ZNF664: variants seen among roughly 807,000 people sequenced by gnomAD.
The protein encoded by ZNF664 is zinc finger Organ of Corti 1.
Under a neutral mutation model 18.2 loss-of-function variants are expected in ZNF664, and 10 were observed. That is an observed-to-expected ratio of 0.55 (90% CI 0.34 to 0.93). The LOEUF is 0.93. Among genes scored for constraint, ZNF664 ranks in the 40% least tolerant of loss-of-function variants. The pLI, the probability that ZNF664 is intolerant of heterozygous loss-of-function variation, is 0.02. For missense variants in ZNF664, 193 were observed against 319.0 expected, an observed-to-expected ratio of 0.61 and a Z score of 3.01; for synonymous variants, 119 against 104.2, an observed-to-expected ratio of 1.14 and a Z score of -0.86.
At chr12:123,994,547 C>CTA (rs1956925390) in intron 3 of ZNF664, among the ~76,000 whole-genome samples, 1 of 152,176 alleles carries the variant, frequency 6.6e-6, no homozygotes, top group Non-Finnish European at 1.5e-5. Flanking sequence ...ACATCTGCTT[C>CTA]TATATTCAGT....
At position 124,000,470 on chromosome 12, in the gene ZNF664, C is replaced by A. The variant is rs141942879; in HGVS notation, c.-660-10911C>A. ...CCCTTTCTGTTATTTCTTTTCTCTCCCATAGTTTAGTGGAATTCCTCTCAT... is the reference window on the plus strand; with the variant it reads ...CCCTTTCTGTTATTTCTTTTCTCTCACATAGTTTAGTGGAATTCCTCTCAT... On this transcript the variant is annotated intron_variant, in intron 3 of 4. Transcript: ENST00000337815. Among the ~76,000 whole-genome samples the A allele has an allele frequency of 2.1e-3, 322 of 152,222 alleles. 3 individuals carry two copies. Among genetic ancestry groups the A allele is most frequent in the African/African-American group, 7.3e-3 (302 of 41,514 alleles).
intron 2 of ZNF664, among the ~76,000 whole-genome samples, chr12:123,985,039 C>CT (rs1184503571): frequency 6.6e-6 from 1 of 151,802 alleles, no homozygotes; most frequent in Non-Finnish European, 1.5e-5. Flanking sequence ...AGATTTGACT[C>CT]TGAGAGCAGT....
chr12:124,001,018 A>G (rs1405015392), intron 3 of ZNF664, among the ~76,000 whole-genome samples: 1 of 152,194 alleles, frequency 6.6e-6, no homozygotes, highest in Non-Finnish European at 1.5e-5. Context: ...TAAAATGGAA[A>G]TCACAATCTT....
chr12:123,992,997 A>G (rs996164164), intron 3 of ZNF664, among the ~76,000 whole-genome samples: 3 of 152,200 alleles, frequency 2.0e-5, no homozygotes, highest in African/African-American at 7.2e-5. Context: ...TCTGTGAGTG[A>G]TAAGCACATC....
At chr12:124,005,483 A>G (rs10846582) in intron 3 of ZNF664, among the ~76,000 whole-genome samples, 18,661 of 142,962 alleles carry the variant, frequency 0.13, 2,018 homozygotes, top group East Asian at 0.54. Context: ...AATTTATAGA[A>G]TGTGTGTGTG....
rs771984577 is a variant in ZNF664, at chr12:124,012,786, G to T, written c.642G>T (p.Leu214=). Residue 214 remains leucine, a synonymous_variant, in exon 5 of 5, where the codon CTG becomes CTT. Transcript: ENST00000337815. ...AGGCCTTCAGTCAGAGTTCGAGCCT[G>T]TGCATCCACCAGAGAGTCCACACAG... is the stretch of plus-strand genomic sequence containing the variant. ...CGKAFSQSSS[L]CIHQRVHTGE... The T allele has an allele frequency of 1.2e-6, 2 of 1,607,214 alleles. No individual in the cohort carries two copies. Among genetic ancestry groups the T allele is most frequent in the Non-Finnish European group, 1.7e-6 (2 of 1,177,650 alleles).
intron 3 of ZNF664, among the ~76,000 whole-genome samples, chr12:123,993,291 T>C (rs779701124): frequency 6.6e-6 from 1 of 152,076 alleles, no homozygotes; most frequent in African/African-American, 2.4e-5. Context: ...GAGTGGGGAA[T>C]GTGAAGGGCC....
At chr12:123,998,989 G>T (rs1435045305) in intron 3 of ZNF664, among the ~76,000 whole-genome samples, 1 of 152,122 alleles carries the variant, frequency 6.6e-6, no homozygotes, top group African/African-American at 2.4e-5. Context: ...GGGATATAGG[G>T]ATCTTTCTAT....
rs1354936782 is a variant in ZNF664, at chr12:123,998,402, C to G, written c.-661+10264C>G. ...TAATGTTTATATTTTTTCAGAAAAC[C>G]CTACAGAGATGCCTTGGTCACTCCA... On this transcript the variant is annotated intron_variant, in intron 3 of 4. Transcript: ENST00000337815. 4.6e-5 allele frequency: 7 copies of G among 152,196 alleles called. No individual in the cohort carries two copies. The South Asian group carries it at 1.0e-3, about 23-fold the overall frequency. The allele number at this position is 152,196 out of a possible 1,614,324, so 9.4% of individuals were successfully genotyped here. A position where few individuals can be genotyped will look rare whatever the true frequency, so the allele number is the denominator to read the frequency against.
At chr12:123,995,710 C>CT (rs1239561860) in intron 3 of ZNF664, among the ~76,000 whole-genome samples, 1 of 152,204 alleles carries the variant, frequency 6.6e-6, no homozygotes, top group African/African-American at 2.4e-5. Context: ...CCCAGTAGCG[C>CT]TGGAGGTTCA....
Position 124,015,254 on chromosome 12 carries a change from A to G in ZNF664, c.*2324A>G, listed in dbSNP as rs943797248. ...AGTTTCCAGCTAGTCCTAGAGTTCT[A>G]TATTTCTACATAGTTGAATTATTTT... On this transcript the variant is annotated 3_prime_UTR_variant, in exon 5 of 5. Coordinates refer to ENST00000337815, the MANE Select transcript of ZNF664 (RefSeq NM_152437.3). 6.0e-6 allele frequency: 1 copy of G among 167,148 alleles called. No individual in the cohort carries two copies. Among genetic ancestry groups the G allele is most frequent in the East Asian group, 1.9e-4 (1 of 5,192 alleles). The allele number at this position is 167,148 out of a possible 1,614,324, so 10.4% of individuals were successfully genotyped here.
chr12:124,010,745 C>G (rs192136522), intron 3 of ZNF664, among the ~76,000 whole-genome samples: 1 of 152,260 alleles, frequency 6.6e-6, no homozygotes, highest in Admixed American at 6.5e-5. Flanking sequence ...GGAACCAATA[C>G]GATAATTACA....
intron 2 of ZNF664, 141 bp downstream of exon 2, chr12:123,974,161 C>T: frequency 1.9e-6 from 1 of 520,934 alleles, no homozygotes; most frequent in Non-Finnish European, 2.9e-6. Context: ...AGACATTTTC[C>T]CGTCCGGATC....
chr12:123,977,611 C>T (rs1008509046), intron 2 of ZNF664, among the ~76,000 whole-genome samples: 2 of 152,106 alleles, frequency 1.3e-5, no homozygotes, highest in Non-Finnish European at 2.9e-5. Context: ...GAAGGGGTAC[C>T]TTGAACGGAA....
At chr12:123,973,670 C>A (rs911064686) in intron 1 of ZNF664, 1 of 764,686 alleles carries the variant, frequency 1.3e-6, no homozygotes, top group Non-Finnish European at 1.7e-6. Flanking sequence ...AGGGCGAGGC[C>A]GGGCGAGGCC....
chr12:123,997,535 T>A (rs1956964040), intron 3 of ZNF664, among the ~76,000 whole-genome samples: 1 of 152,216 alleles, frequency 6.6e-6, no homozygotes, highest in Admixed American at 6.5e-5. Context: ...GACATATCAC[T>A]TCACTCTCTG....
chr12:123,988,629 T>G (rs922717175), intron 3 of ZNF664, among the ~76,000 whole-genome samples: 5 of 152,280 alleles, frequency 3.3e-5, no homozygotes, highest in Admixed American at 2.6e-4. Flanking sequence ...TCCTTAAATA[T>G]GAGTTCCTGA....
chr12:124,009,444 A>G (rs1957109839), intron 3 of ZNF664, among the ~76,000 whole-genome samples: 1 of 152,104 alleles, frequency 6.6e-6, no homozygotes, highest in African/African-American at 2.4e-5. Flanking sequence ...AGTAATCATT[A>G]AATTAAATTC....
intron 2 of ZNF664, among the ~76,000 whole-genome samples, chr12:123,977,620 A>G (rs1956711109): frequency 6.6e-6 from 1 of 152,188 alleles, no homozygotes; most frequent in South Asian, 2.1e-4. Context: ...CCTTGAACGG[A>G]AAGAGAGGCC....
Sources: gnomAD v4.1 joint callset for allele counts (sites outside exome capture counted in the v4.1 genomes callset) on GRCh38, gnomAD v4.1.1 for gene constraint, MANE v1.5 for transcripts, NCBI Gene and HGNC (gene_info 2026-07-23, HGNC 2026-07-21) for gene names.